Variants in IGF2R observed in about 807,000 individuals in gnomAD.
The protein encoded by IGF2R is insulin like growth factor 2 receptor.
A neutral mutation model predicts 270.6 loss-of-function variants in IGF2R; 91 were observed. The ratio of observed to expected loss-of-function variants is 0.34; its 90% CI spans 0.28 to 0.40. The LOEUF (loss-of-function observed/expected upper bound fraction) is 0.40, where lower values mean the gene tolerates loss of function less well. Ranked by LOEUF, IGF2R falls within the 10% of genes least tolerant of loss-of-function variation. The pLI is 1.00. For missense variants in IGF2R, 2,805 were observed against 3,188.3 expected (o/e 0.88, Z 2.90); for synonymous variants, 1,316 against 1,258.9 (o/e 1.05, Z -0.96).
chr6:160,044,433 T>G, intron 12 of IGF2R, 81 bp from the exon 13 acceptor site: 1 of 849,828 alleles, frequency 1.2e-6, no homozygotes, highest in Admixed American at 3.4e-5. Context: ...TCTTTCTTTC[T>G]TTTTTTTTTA....
chr6:160,014,058 A>T (rs770708955), intron 4 of IGF2R, among the ~76,000 whole-genome samples: 46 of 152,288 alleles, frequency 3.0e-4, no homozygotes, highest in Non-Finnish European at 6.3e-4. Flanking sequence ...AATGATTTTG[A>T]TGGGCAAAAA....
In IGF2R at chr6:160,016,426, G is replaced by T. The variant is rs539482286; in HGVS notation, c.513+5641G>T. On this transcript the variant is annotated intron_variant, in intron 4 of 47. Coordinates refer to ENST00000356956, the MANE Select transcript of IGF2R (RefSeq NM_000876.4). Reference sequence around the variant, plus strand: ...TGCCTTGCTGGCAGAACACAAGACAGTGATGCTTAGGTGTCCCATGGCCCC... The same window carrying T: ...TGCCTTGCTGGCAGAACACAAGACATTGATGCTTAGGTGTCCCATGGCCCC... 5.3e-4 allele frequency among the ~76,000 whole-genome samples: 81 copies of T among 152,338 alleles called. 1 individual carries two copies. The highest frequency in any genetic ancestry group is 9.8e-4 in the Non-Finnish European group (67 of 68,038).
At chr6:159,995,423 A>G (rs1042999676) in intron 2 of IGF2R, among the ~76,000 whole-genome samples, 1 of 151,566 alleles carries the variant, frequency 6.6e-6, no homozygotes, top group Non-Finnish European at 1.5e-5. Context: ...GATTTAATTC[A>G]TTTATGTTCA....
In IGF2R at chr6:160,062,637, C is replaced by T; in HGVS notation, c.3670+18C>T. On this transcript the variant is annotated intron_variant, in intron 26 of 47. Coordinates refer to ENST00000356956, the MANE Select transcript of IGF2R (RefSeq NM_000876.4). ...AGTGGAAGGTAGGACTGGGCCTGTC[C>T]CTACAAGTCATTTTAAATGTATAGA... is the stretch of plus-strand genomic sequence containing the variant. The T allele has an allele frequency of 2.5e-6, 4 of 1,575,240 alleles. No individual in the cohort carries two copies. Among genetic ancestry groups the T allele is most frequent in the Non-Finnish European group, 3.5e-6 (4 of 1,146,202 alleles).
chr6:160,034,276 T>A (rs527895595), intron 9 of IGF2R, 143 bp from the exon 10 acceptor site: 1 of 539,840 alleles, frequency 1.9e-6, no homozygotes, highest in East Asian at 2.8e-5. Context: ...TATTTTTCCC[T>A]AGCTGGCTAG....
At chr6:160,008,981 C>T (rs894879683) in intron 2 of IGF2R, 29 bp from the exon 3 acceptor site, 6 of 1,611,126 alleles carry the variant, frequency 3.7e-6, no homozygotes, top group Admixed American at 1.7e-5. Context: ...TGTTTTATAG[C>T]CTGTTCACTC....
rs1314645129 is a variant in IGF2R at position 160,109,095 on chromosome 6, A to G, written c.*4011A>G. ...TTGACCAGTTTGCAAAACAAATTGA[A>G]TAAAAAGTAATTGATAATGTTGTTT... is the stretch of plus-strand genomic sequence containing the variant. On this transcript the variant is annotated 3_prime_UTR_variant, in exon 48 of 48. Coordinates refer to ENST00000356956, the MANE Select transcript of IGF2R (RefSeq NM_000876.4). 1.3e-5 allele frequency: 2 copies of G among 152,264 alleles called. No individual in the cohort carries two copies. Among genetic ancestry groups the G allele is most frequent in the Non-Finnish European group, 1.5e-5 (1 of 68,044 alleles). 9.4% of individuals were successfully genotyped at this position (152,264 alleles called of 1,614,324 possible). A position where few individuals can be genotyped will look rare whatever the true frequency, so the allele number is the denominator to read the frequency against.
chr6:160,092,853 A>C (rs1779258342), intron 44 of IGF2R, among the ~76,000 whole-genome samples: 1 of 152,204 alleles, frequency 6.6e-6, no homozygotes, highest in African/African-American at 2.4e-5. Context: ...CAGCAGCACC[A>C]GCCACAAAGA....
intron 2 of IGF2R, chr6:160,005,918 C>T: frequency 6.3e-6 from 1 of 158,248 alleles, no homozygotes; most frequent in Non-Finnish European, 1.4e-5. Context: ...TCCTCGGCCG[C>T]CGTGCCTCCC....
rs539498370 is a variant in IGF2R, at chr6:160,085,230, T to A, written c.6205+99T>A. The A allele has an allele frequency of 2.4e-5, 32 of 1,309,468 alleles. No individual in the cohort carries two copies. In the East Asian group the frequency reaches 7.3e-4, roughly 30 times the overall value. The allele number at this position is 1,309,468 out of a possible 1,614,324, so 81.1% of individuals were successfully genotyped here. A position where few individuals can be genotyped will look rare whatever the true frequency, so the allele number is the denominator to read the frequency against. On this transcript the variant is annotated intron_variant, in intron 41 of 47. Transcript: ENST00000356956. ...TGGCAAGGAGAGTGAGCATGTGCTT[T>A]GGTGGAAACCTCCAGATATGATTGC...
intron 1 of IGF2R, among the ~76,000 whole-genome samples, chr6:159,983,576 G>A (rs1783836961): frequency 6.6e-6 from 1 of 152,188 alleles, no homozygotes; most frequent in South Asian, 2.1e-4. Context: ...TAAAAAAATA[G>A]GGTATGTTTC....
rs555052494 is a variant in IGF2R at position 160,078,854 on chromosome 6, G to A, written c.5478+492G>A. On this transcript the variant is annotated intron_variant, in intron 37 of 47. Coordinates refer to ENST00000356956, the MANE Select transcript of IGF2R (RefSeq NM_000876.4). ...GGAATTGAGAGGCACTTGGGCATGT[G>A]CCTCCATGCCATGCCAGAGCCCTGG... is the stretch of plus-strand genomic sequence containing the variant. 3.9e-5 allele frequency among the ~76,000 whole-genome samples: 6 copies of A among 152,300 alleles called. No homozygotes were observed. In the East Asian group the frequency reaches 7.7e-4, roughly 20 times the overall value.
chr6:160,020,019 C>G (rs1285307229), intron 4 of IGF2R, among the ~76,000 whole-genome samples: 1 of 152,140 alleles, frequency 6.6e-6, no homozygotes, highest in Non-Finnish European at 1.5e-5. Context: ...GTCAACGTGT[C>G]TCTGTGTGCT....
chr6:160,043,065 CT>C (rs1777981753), intron 11 of IGF2R, 82 bp from the exon 12 acceptor site: 1 of 1,486,420 alleles, frequency 6.7e-7, no homozygotes, highest in Non-Finnish European at 9.2e-7. Context: ...GAGCCCTTGA[CT>C]TTTGGCTTAA....
intron 30 of IGF2R, among the ~76,000 whole-genome samples, chr6:160,069,441 C>G (rs34580013): frequency 7.9e-5 from 12 of 152,280 alleles, no homozygotes; most frequent in Middle Eastern, 3.4e-3. Context: ...GGGACTAGTT[C>G]TTCACCCAGG....
At chr6:160,066,237 G>A (rs976281133) in intron 29 of IGF2R, among the ~76,000 whole-genome samples, 2 of 151,880 alleles carry the variant, frequency 1.3e-5, no homozygotes, top group Admixed American at 6.6e-5. Context: ...GGCTGGTCTC[G>A]AACTCTTGAC....
Position 160,109,732 on chromosome 6 carries a change from A to G in IGF2R, c.*4648A>G, listed in dbSNP as rs1198324404. The G allele has an allele frequency of 6.6e-6, 1 of 152,146 alleles. No homozygotes were observed. The highest frequency in any genetic ancestry group is 1.5e-5 in the Non-Finnish European group (1 of 68,054). 9.4% of individuals were successfully genotyped at this position (152,146 alleles called of 1,614,324 possible). ...AAAGTTTCTCCTTTCTGTAACCTCC[A>G]TGACCTTGACACATGAGGTCACTCT... is the stretch of plus-strand genomic sequence containing the variant. On this transcript the variant is annotated 3_prime_UTR_variant, in exon 48 of 48. Transcript: ENST00000356956.
At chr6:160,097,335 T>C (rs28691144) in intron 45 of IGF2R, among the ~76,000 whole-genome samples, 31,521 of 152,210 alleles carry the variant, frequency 0.21, 3,413 homozygotes, top group African/African-American at 0.27. Flanking sequence ...TTTATTTTTA[T>C]TTTTTATTTT....
rs1778519237 is a variant in IGF2R at position 160,064,524 on chromosome 6, C to T, written c.4010C>T (p.Thr1337Ile). The change falls in exon 28 of 48, where the codon ACC (threonine) becomes ATC (isoleucine). Residue 1337 changes from threonine to isoleucine, a missense_variant. Coordinates refer to ENST00000356956, the MANE Select transcript of IGF2R (RefSeq NM_000876.4). ...ATCTTCTTCTACTGTGACCGCGGCA[C>T]CCAGCGGGTGAGCATGTACCGACGG... ...TAIFFYCDRG[T>I]QRPVFLKETS... is the part of the protein sequence containing the mutation. The T allele has an allele frequency of 3.7e-6, 6 of 1,614,106 alleles. No homozygotes were observed. Among genetic ancestry groups the T allele is most frequent in the African/African-American group, 1.3e-5 (1 of 75,022 alleles).
Sources: gnomAD v4.1 joint callset for allele counts (sites outside exome capture counted in the v4.1 genomes callset) on GRCh38, gnomAD v4.1.1 for gene constraint, MANE v1.5 for transcripts, NCBI Gene and HGNC (gene_info 2026-07-23, HGNC 2026-07-21) for gene names.